Variants in RBMS3 observed in about 807,000 individuals in gnomAD.
RBMS3 encodes RNA-binding motif, single-stranded-interacting protein 3.
Under a neutral mutation model 66.8 loss-of-function variants are expected in RBMS3, and 27 were observed. The observed-to-expected ratio is 0.40, with a 90% CI of 0.30 to 0.56. RBMS3 has a LOEUF of 0.56. RBMS3 is among the 20% of genes least tolerant of loss of function. The probability of loss-of-function intolerance (pLI) is 0.40; values close to 1 mark genes in which losing one functional copy is unlikely to be tolerated. For synonymous variants in RBMS3, 188 were observed against 183.0 expected (o/e 1.03, Z -0.22); for missense variants, 513 against 549.5 (o/e 0.93, Z 0.66).
At chr3:29,739,458 G>GAAAAAAAAAAAAAAAAAA in intron 4 of RBMS3, among the ~76,000 whole-genome samples, 1 of 129,624 alleles carries the variant, frequency 7.7e-6, no homozygotes, top group Non-Finnish European at 1.6e-5. Flanking sequence ...TCCGTCTCAA[G>GAAAAAAAAAAAAAAAAAA]AAAAAAAAAA....
intron 4 of RBMS3, among the ~76,000 whole-genome samples, chr3:29,699,123 C>T (rs2052421841): frequency 6.6e-6 from 1 of 152,048 alleles, no homozygotes; most frequent in Non-Finnish European, 1.5e-5. Flanking sequence ...TCAATAAGTA[C>T]CTTCTTGAAA....
At chr3:29,298,149 C>T (rs1384666561) in intron 1 of RBMS3, among the ~76,000 whole-genome samples, 1 of 151,836 alleles carries the variant, frequency 6.6e-6, no homozygotes, top group Non-Finnish European at 1.5e-5. Flanking sequence ...CCACCCCCTG[C>T]ATGTGGTAGG....
At chr3:29,300,295 GT>G (rs1559470920) in intron 1 of RBMS3, among the ~76,000 whole-genome samples, 5 of 151,874 alleles carry the variant, frequency 3.3e-5, no homozygotes, top group Admixed American at 2.6e-4. Flanking sequence ...TACATGCCCG[GT>G]TATATAGCAA....
At chr3:29,760,281 A>C (rs941928844) in intron 5 of RBMS3, among the ~76,000 whole-genome samples, 355 of 149,590 alleles carry the variant, frequency 2.4e-3, no homozygotes, top group Non-Finnish European at 3.4e-3. Flanking sequence ...ACACACACAC[A>C]CCCCTACACA....
At chr3:29,698,032 G>A (rs576483771) in intron 4 of RBMS3, among the ~76,000 whole-genome samples, 3 of 152,150 alleles carry the variant, frequency 2.0e-5, no homozygotes, top group South Asian at 2.1e-4. Context: ...CATATTCCAC[G>A]TGCACCTGTC....
chr3:29,957,793 C>T (rs12631324), intron 12 of RBMS3, among the ~76,000 whole-genome samples: 7,179 of 152,112 alleles, frequency 0.047, 236 homozygotes, highest in East Asian at 0.16. Flanking sequence ...CTCTTTTCAT[C>T]GCCAAGATAC....
chr3:29,946,883 C>T (rs773331834), intron 12 of RBMS3, among the ~76,000 whole-genome samples: 2 of 151,506 alleles, frequency 1.3e-5, no homozygotes, highest in Admixed American at 6.6e-5. Flanking sequence ...TGATTTTCTG[C>T]GGTCATGATT....
chr3:29,409,200 A>AT (rs1350610544), intron 1 of RBMS3, among the ~76,000 whole-genome samples: 1 of 152,078 alleles, frequency 6.6e-6, no homozygotes, highest in Non-Finnish European at 1.5e-5. Flanking sequence ...AACAATAACT[A>AT]TTTTTTCTAA....
At chr3:29,952,134 T>C (rs1695723326) in intron 12 of RBMS3, among the ~76,000 whole-genome samples, 1 of 151,812 alleles carries the variant, frequency 6.6e-6, no homozygotes, top group Non-Finnish European at 1.5e-5. Context: ...GTGTGGTGAT[T>C]ATATGCATGA....
intron 12 of RBMS3, among the ~76,000 whole-genome samples, chr3:29,959,648 G>A (rs781230516): frequency 1.4e-4 from 22 of 152,252 alleles, no homozygotes; most frequent in Middle Eastern, 6.8e-3. Flanking sequence ...ACTGAGTAAT[G>A]TGTAAAGGAA....
chr3:29,739,818 C>T lies in RBMS3; in HGVS notation c.498C>T (p.Val166=), dbSNP rs751415467. The T allele has an allele frequency of 1.6e-5, 26 of 1,613,240 alleles. 1 individual carries two copies. In the Admixed American group the frequency reaches 4.2e-4, roughly 26 times the overall value. The change falls in exon 5 of 15, where the codon GTC becomes GTT. Residue 166 remains valine, a synonymous_variant. Coordinates refer to ENST00000383767, the MANE Select transcript of RBMS3 (RefSeq NM_001003793.3). ...ATATGCTGAAACCCTTTGGACATGT[C>T]ATTTCCACAAGAATACTAAGAGACG... The part of the protein sequence containing the change: ...LENMLKPFGH[V]ISTRILRDAN...
At chr3:29,391,934 C>A (rs1426814410) in intron 1 of RBMS3, among the ~76,000 whole-genome samples, 1 of 152,032 alleles carries the variant, frequency 6.6e-6, no homozygotes, top group African/African-American at 2.4e-5. Context: ...GAATTATAGC[C>A]ATGATAAATA....
At chr3:29,776,726 A>G (rs2056439444) in intron 6 of RBMS3, among the ~76,000 whole-genome samples, 1 of 151,918 alleles carries the variant, frequency 6.6e-6, no homozygotes, top group South Asian at 2.1e-4. Flanking sequence ...TTAATAGTTG[A>G]CGTCTCTGAA....
chr3:29,539,472 C>T (rs1486524059), intron 3 of RBMS3, among the ~76,000 whole-genome samples: 1 of 152,154 alleles, frequency 6.6e-6, no homozygotes, highest in Non-Finnish European at 1.5e-5. Context: ...GTTCCATTTA[C>T]CAGCCCTTGA....
chr3:29,560,702 T>G (rs898264475), intron 3 of RBMS3, among the ~76,000 whole-genome samples: 3 of 152,270 alleles, frequency 2.0e-5, no homozygotes, highest in Non-Finnish European at 4.4e-5. Context: ...AAATTAAAGA[T>G]GGTCATTTTG....
chr3:29,763,384 C>A (rs2055780605), intron 6 of RBMS3, among the ~76,000 whole-genome samples: 1 of 151,990 alleles, frequency 6.6e-6, no homozygotes, highest in African/African-American at 2.4e-5. Flanking sequence ...CATTTCTTAC[C>A]AGTCCATGAC....
chr3:29,643,258 A>G (rs993371291), intron 4 of RBMS3, among the ~76,000 whole-genome samples: 1 of 152,042 alleles, frequency 6.6e-6, no homozygotes, highest in Non-Finnish European at 1.5e-5. Flanking sequence ...TCTAGTCAGA[A>G]TGGGAGTAAT....
intron 4 of RBMS3, among the ~76,000 whole-genome samples, chr3:29,610,333 C>T (rs1559507255): frequency 1.3e-5 from 2 of 152,032 alleles, no homozygotes; most frequent in Admixed American, 6.6e-5. Context: ...CATAATTTGT[C>T]ATGTTCTTTC....
intron 10 of RBMS3, among the ~76,000 whole-genome samples, chr3:29,904,424 T>C (rs73831090): frequency 0.024 from 3,584 of 152,070 alleles, 150 homozygotes; most frequent in African/African-American, 0.082. Context: ...TGTTGTATTA[T>C]GATTTGCTTT....
Sources: gnomAD v4.1 joint callset for allele counts (sites outside exome capture counted in the v4.1 genomes callset) on GRCh38, gnomAD v4.1.1 for gene constraint, MANE v1.5 for transcripts, NCBI Gene and HGNC (gene_info 2026-07-23, HGNC 2026-07-21) for gene names.